Variants in CHID1 observed in about 807,000 individuals in gnomAD.
CHID1 encodes the protein chitinase domain-containing protein 1.
CHID1 carries 44 observed loss-of-function variants against 55.4 expected under a neutral mutation model. That is an observed-to-expected ratio of 0.79 (90% confidence interval 0.62 to 1.02). CHID1 has a LOEUF of 1.02. Ranked by LOEUF, CHID1 falls within the 50% of genes least tolerant of loss-of-function variation. The pLI, the probability that CHID1 is intolerant of heterozygous loss-of-function variation, is 0.00. For synonymous variants in CHID1, 216 were observed against 212.9 expected (o/e 1.01, Z -0.13); for missense variants, 491 against 515.3 (o/e 0.95, Z 0.46).
At chr11:899,479 C>T (rs904631891) in intron 6 of CHID1, 78 bp from the exon 7 acceptor site, 44 of 1,353,876 alleles carry the variant, frequency 3.2e-5, no homozygotes, top group Middle Eastern at 1.9e-4. Context: ...CCCGCCACCT[C>T]GGCCCACATG....
At chr11:895,862 T>G (rs924857374) in intron 7 of CHID1, among the ~76,000 whole-genome samples, 2 of 152,060 alleles carry the variant, frequency 1.3e-5, no homozygotes, top group Admixed American at 1.3e-4. Flanking sequence ...TGCCTGCCCC[T>G]GCCATGCTGG....
chr11:878,802 A>G (rs969561231), intron 10 of CHID1, among the ~76,000 whole-genome samples: 13 of 150,432 alleles, frequency 8.6e-5, no homozygotes, highest in Non-Finnish European at 1.6e-4. Flanking sequence ...CCCGGGTCCA[A>G]GTGATTCTCC....
chr11:875,900 T>C lies in CHID1; in HGVS notation c.960-5401A>G, dbSNP rs1849478953. Among the ~76,000 whole-genome samples, 1 of 151,830 alleles carries C rather than the reference T, an allele frequency of 6.6e-6. No homozygotes were observed. Among genetic ancestry groups the C allele is most frequent in the Non-Finnish European group, 1.5e-5 (1 of 67,964 alleles). On this transcript the variant is annotated intron_variant, in intron 10 of 12. Transcript: ENST00000323578. This position sits in a 1 kb window ranked among gnomAD's most constrained non-coding sequence, Gnocchi z 4.7. ...GGGCTCCACTCTGCAGAGGACACAG[T>C]ATAGGCTGGAGGAGCGAGGAGGCTG...
intron 4 of CHID1, among the ~76,000 whole-genome samples, chr11:901,466 GC>G (rs1214216678): frequency 6.6e-6 from 1 of 152,198 alleles, no homozygotes; most frequent in Non-Finnish European, 1.5e-5. Flanking sequence ...CTCTGTCCGA[GC>G]CCAAACGCAA....
At chr11:876,338 C>T (rs1042812868) in intron 10 of CHID1, among the ~76,000 whole-genome samples, 3 of 152,162 alleles carry the variant, frequency 2.0e-5, no homozygotes, top group Admixed American at 6.5e-5. Context: ...CAGGGCAGGA[C>T]CACAGGGTGC....
chr11:882,047 C>G (rs1405705227), intron 10 of CHID1, among the ~76,000 whole-genome samples: 1 of 151,218 alleles, frequency 6.6e-6, no homozygotes, highest in Admixed American at 6.6e-5. Context: ...AGAATCCCAG[C>G]CCGGTGTGGT....
At chr11:888,785 G>A (rs904839487) in intron 8 of CHID1, among the ~76,000 whole-genome samples, 2 of 151,304 alleles carry the variant, frequency 1.3e-5, no homozygotes, top group African/African-American at 4.9e-5. Context: ...CCACACCAAC[G>A]CCAGTGCCTG....
In CHID1 at chr11:900,125, G is replaced by A. The variant is rs778812095; in HGVS notation, c.440-15C>T. 2.3e-5 allele frequency: 36 copies of A among 1,596,752 alleles called. No homozygotes were observed. The highest frequency in any genetic ancestry group is 3.0e-5 in the Non-Finnish European group (35 of 1,165,158). On this transcript the variant is annotated splice_polypyrimidine_tract_variant and intron_variant, in intron 5 of 12. Transcript: ENST00000323578. Reference sequence around the variant, plus strand: ...GAGCCGAGGCACTGCAGGGGCAACAGACACACACGGGGGCCGTGACTGGGA... The same window carrying A: ...GAGCCGAGGCACTGCAGGGGCAACAAACACACACGGGGGCCGTGACTGGGA...
chr11:902,331 C>A lies in CHID1; in HGVS notation c.262-1G>T. 1 of 1,609,624 alleles carries A rather than the reference C, an allele frequency of 6.2e-7. No homozygotes were observed. The highest frequency in any genetic ancestry group is 8.5e-7 in the Non-Finnish European group (1 of 1,176,254). ...TGACATCGTAGCCATGGCTGTTCCA[C>A]TGGCAAAAGATGGAGACATCAGACG... On this transcript the variant is annotated splice_acceptor_variant, in intron 3 of 12. Coordinates refer to ENST00000323578, the MANE Select transcript of CHID1 (RefSeq NM_023947.4). LOFTEE classifies it high-confidence loss of function.
chr11:869,751 C>T lies in CHID1; in HGVS notation c.*107G>A. 2.0e-6 allele frequency: 2 copies of T among 996,064 alleles called. No individual in the cohort carries two copies. Among genetic ancestry groups the T allele is most frequent in the Non-Finnish European group, 3.2e-6 (2 of 634,472 alleles). The allele number at this position is 996,064 out of a possible 1,614,324, so 61.7% of individuals were successfully genotyped here. ...GCCCAGGACCCCCGACTGAGGACTG[C>T]AGCAGACCCGTCACAGCAAACGGAG... is the stretch of plus-strand genomic sequence containing the variant. On this transcript the variant is annotated 3_prime_UTR_variant, in exon 13 of 13. Transcript: ENST00000323578.
intron 10 of CHID1, among the ~76,000 whole-genome samples, chr11:873,137 G>A (rs1054049475): frequency 6.6e-6 from 1 of 152,150 alleles, no homozygotes; most frequent in Admixed American, 6.5e-5. Context: ...CAAAAGCCCA[G>A]GGAGGGTCTG....
At chr11:873,745 GCTT>G (rs1362593017) in intron 10 of CHID1, among the ~76,000 whole-genome samples, 2 of 152,194 alleles carry the variant, frequency 1.3e-5, no homozygotes, top group Non-Finnish European at 2.9e-5. Context: ...AAGGCACAGG[GCTT>G]CTTTTTTTGG....
intron 1 of CHID1, among the ~76,000 whole-genome samples, 164 bp from the exon 2 acceptor site, chr11:905,023 C>A (rs1298579745): frequency 1.3e-5 from 2 of 152,188 alleles, no homozygotes; most frequent in Non-Finnish European, 2.9e-5. Context: ...CCAGCCCTGG[C>A]GGCCACAGTC....
intron 1 of CHID1, among the ~76,000 whole-genome samples, chr11:910,409 T>G (rs1042354478): frequency 1.3e-5 from 2 of 151,992 alleles, no homozygotes; most frequent in Non-Finnish European, 2.9e-5. Context: ...GCCGGCCACA[T>G]CCCTTGTCTG....
chr11:902,064 GCAGAGACACACACACACTCCCATA>G lies in CHID1; in HGVS notation c.394+110_394+133del, dbSNP rs1452721776. ...ACACTCACATTCACACTTAAATCAC[GCAGAGACACACACACACTCCCATA>G]CAGAGACACCCACAGAGACATACCT... On this transcript the variant is annotated intron_variant, in intron 4 of 12. Transcript: ENST00000323578. The G allele has an allele frequency of 4.3e-6, 4 of 933,238 alleles. No individual in the cohort carries two copies. In the South Asian group the frequency reaches 4.7e-5, roughly 11 times the overall value. 57.8% of individuals were successfully genotyped at this position (933,238 alleles called of 1,614,324 possible).
rs1301828388 is a variant in CHID1 at position 902,251 on chromosome 11, T to C, written c.341A>G (p.Lys114Arg). 6.2e-7 allele frequency: 1 copy of C among 1,613,906 alleles called. No homozygotes were observed. Among genetic ancestry groups the C allele is most frequent in the Non-Finnish European group, 8.5e-7 (1 of 1,180,016 alleles). The change falls in exon 4 of 13, where the codon AAG (lysine) becomes AGG (arginine). Residue 114 changes from lysine (K) to arginine (R), a missense_variant. By Grantham distance (26) the Lys-to-Arg change is conservative (BLOSUM62 2). Transcript: ENST00000323578. The part of the protein sequence containing the change: ...TQISPVWLQL[K>R]RRGREMFEVT... ...CTCAAACATCTCACGGCCACGTCTC[T>C]TCAGCTGCAGCCAGACGGGTGAGAT...
chr11:878,361 C>G (rs1418162068), intron 10 of CHID1, among the ~76,000 whole-genome samples: 1 of 151,998 alleles, frequency 6.6e-6, no homozygotes, highest in Non-Finnish European at 1.5e-5. Flanking sequence ...CTGCAGTGAG[C>G]TGAGATCACA....
chr11:880,163 T>G (rs1209867286), intron 10 of CHID1, among the ~76,000 whole-genome samples: 1 of 152,242 alleles, frequency 6.6e-6, no homozygotes, highest in Non-Finnish European at 1.5e-5. Flanking sequence ...CCAGGGGCCC[T>G]GGGGCATCGC....
chr11:873,129 A>G (rs181400472), intron 10 of CHID1, among the ~76,000 whole-genome samples: 43 of 152,206 alleles, frequency 2.8e-4, no homozygotes. Flanking sequence ...CCAGCTCCCA[A>G]AAGCCCAGGG....
Sources: allele counts gnomAD v4.1 joint callset (sites outside exome capture counted in the v4.1 genomes callset), GRCh38; gene constraint gnomAD v4.1.1; non-coding constraint Gnocchi (gnomAD v3.1); transcripts MANE v1.5; gene names NCBI Gene and HGNC (gene_info 2026-07-23, HGNC 2026-07-21).